ACYP2: variants seen among roughly 807,000 people sequenced by gnomAD.
ACYP2 encodes the protein acylphosphatase 2, also known as acylphosphatase-2.
In ACYP2, 12 loss-of-function variants were observed where a neutral mutation model predicts 11.2. That is an observed-to-expected ratio of 1.08 (90% confidence interval 0.69 to 1.74). The LOEUF (loss-of-function observed/expected upper bound fraction) is 1.74, where lower values mean the gene tolerates loss of function less well. Ranked by LOEUF, ACYP2 falls within the 40% of genes most tolerant of loss-of-function variation. The pLI is 0.00. For missense variants in ACYP2, 134 were observed against 101.9 expected (o/e 1.31, Z -1.35); for synonymous variants, 43 against 32.2 (o/e 1.33, Z -1.13).
chr2:54,011,138 A>G (rs755457203), intron 2 of ACYP2, among the ~76,000 whole-genome samples: 2 of 152,174 alleles, frequency 1.3e-5, no homozygotes, highest in African/African-American at 2.4e-5. Flanking sequence ...GGCTTGTCTC[A>G]TTTTAGCATT....
rs183498879 is a variant in ACYP2, at chr2:54,234,904, T to A, written c.405-69784T>A. 3.2e-3 allele frequency among the ~76,000 whole-genome samples: 483 copies of A among 152,336 alleles called. 4 individuals are homozygous for A. Among genetic ancestry groups the A allele is most frequent in the African/African-American group, 0.011 (452 of 41,584 alleles). On this transcript the variant is annotated intron_variant, in intron 6 of 6. Transcript: ENST00000607452. Reference sequence around the variant, plus strand: ...CTTGTTTCAATTTTAGCAGAATTCATGTTCCTCTGATGGGGCTCTTTTCAA... The same window carrying A: ...CTTGTTTCAATTTTAGCAGAATTCAAGTTCCTCTGATGGGGCTCTTTTCAA...
intron 6 of ACYP2, among the ~76,000 whole-genome samples, chr2:54,247,705 T>C (rs755225969): frequency 3.9e-5 from 6 of 152,238 alleles, no homozygotes; most frequent in Non-Finnish European, 7.3e-5. Context: ...AAAACTTATA[T>C]GCAAATGGAA....
At chr2:54,018,122 G>A (rs776270520) in intron 2 of ACYP2, among the ~76,000 whole-genome samples, 46 of 152,130 alleles carry the variant, frequency 3.0e-4, no homozygotes, top group Non-Finnish European at 2.6e-4. Flanking sequence ...CCCAGAGCAC[G>A]TTTTCTTCTG....
intron 6 of ACYP2, among the ~76,000 whole-genome samples, chr2:54,146,518 G>A (rs1053174626): frequency 6.0e-5 from 9 of 150,656 alleles, no homozygotes; most frequent in South Asian, 2.1e-4. Context: ...CAAGTGATCC[G>A]CCTGCCATGG....
chr2:54,208,705 CT>C (rs58189502), intron 6 of ACYP2, among the ~76,000 whole-genome samples: 5 of 94,594 alleles, frequency 5.3e-5, no homozygotes, highest in Admixed American at 9.1e-5. Context: ...AAAAGGGAGA[CT>C]TTTTTTTTTC....
At chr2:54,177,656 C>T (rs11903462) in intron 6 of ACYP2, among the ~76,000 whole-genome samples, 2,294 of 151,068 alleles carry the variant, frequency 0.015, 66 homozygotes, top group African/African-American at 0.053. Context: ...CGGCTCACTG[C>T]AACCTGTGCC....
chr2:54,001,857 G>A (rs1672819576), intron 2 of ACYP2, among the ~76,000 whole-genome samples: 1 of 152,124 alleles, frequency 6.6e-6, no homozygotes, highest in Non-Finnish European at 1.5e-5. Context: ...TAATAGTTTA[G>A]AGCTGTTTTA....
chr2:54,259,844 C>T lies in ACYP2; in HGVS notation c.405-44844C>T, dbSNP rs117649086. Among the ~76,000 whole-genome samples the T allele has an allele frequency of 3.3e-3, 506 of 152,066 alleles. 15 individuals are homozygous for T. The East Asian group carries it at 0.066, about 20-fold the overall frequency. On this transcript the variant is annotated intron_variant, in intron 6 of 6. Transcript: ENST00000607452. Reference sequence around the variant, plus strand: ...AATAAGTTTAAGAGAAAACAGGAAGCGAAAAAGTGAAAACAGCGAGTATAT... The same window carrying T: ...AATAAGTTTAAGAGAAAACAGGAAGTGAAAAAGTGAAAACAGCGAGTATAT...
intron 4 of ACYP2, among the ~76,000 whole-genome samples, chr2:54,070,323 G>A (rs1676970683): frequency 6.6e-6 from 1 of 151,648 alleles, no homozygotes; most frequent in Non-Finnish European, 1.5e-5. Flanking sequence ...AATCTGCTCT[G>A]CAGGTGTCCA....
At chr2:54,248,027 T>C (rs1433491960) in intron 6 of ACYP2, among the ~76,000 whole-genome samples, 2 of 152,238 alleles carry the variant, frequency 1.3e-5, no homozygotes, top group Non-Finnish European at 2.9e-5. Flanking sequence ...CATAGCCTAT[T>C]GTTAATGGCT....
intron 6 of ACYP2, among the ~76,000 whole-genome samples, chr2:54,202,330 C>T (rs1684873080): frequency 6.6e-6 from 1 of 151,306 alleles, no homozygotes; most frequent in Non-Finnish European, 1.5e-5. Context: ...GCTGGTCAAA[C>T]TCCTGATCTC....
chr2:54,256,239 C>A (rs567851962), intron 6 of ACYP2: 72 of 1,451,796 alleles, frequency 5.0e-5, no homozygotes, highest in Non-Finnish European at 6.2e-5. Flanking sequence ...CGAGTAAACA[C>A]CTCGCCCATT....
intron 6 of ACYP2, among the ~76,000 whole-genome samples, chr2:54,208,781 A>G (rs1271827520): frequency 6.6e-6 from 1 of 152,070 alleles, no homozygotes; most frequent in Non-Finnish European, 1.5e-5. Context: ...TGCATACAGT[A>G]TTACATAATA....
Position 54,003,073 on chromosome 2 carries a change from C to G in ACYP2, c.62+29263C>G, listed in dbSNP as rs571058550. ...AGTGAATACTTGTGCCTCAGCCTCC[C>G]AAGTAGCTGGGATTACAGGCATGCG... On this transcript the variant is annotated intron_variant, in intron 2 of 6. Coordinates refer to ENST00000607452, the MANE Select transcript of ACYP2 (RefSeq NM_001320586.2). Among the ~76,000 whole-genome samples, 189 of 151,770 alleles carry G rather than the reference C, an allele frequency of 1.2e-3. 2 individuals are homozygous for G. The highest frequency in any genetic ancestry group is 4.6e-3 in the African/African-American group (189 of 41,376).
chr2:54,086,795 A>C (rs1382802303), intron 4 of ACYP2, among the ~76,000 whole-genome samples: 1 of 152,240 alleles, frequency 6.6e-6, no homozygotes, highest in African/African-American at 2.4e-5. Flanking sequence ...ATTTAAACTG[A>C]AGGATTTTTG....
chr2:54,165,462 GTCTC>G (rs1682909245), intron 6 of ACYP2, among the ~76,000 whole-genome samples: 1 of 149,824 alleles, frequency 6.7e-6, no homozygotes, highest in African/African-American at 2.5e-5. Flanking sequence ...CTGTCTGTCT[GTCTC>G]TCTCTTTCTC....
chr2:54,129,245 A>AT (rs142651745), intron 4 of ACYP2, among the ~76,000 whole-genome samples: 3,147 of 152,170 alleles, frequency 0.021, 114 homozygotes, highest in African/African-American at 0.071. Context: ...CAGGATTGTG[A>AT]TTTTCAGGAT....
At chr2:54,039,700 G>C (rs531077679) in intron 2 of ACYP2, among the ~76,000 whole-genome samples, 1 of 152,314 alleles carries the variant, frequency 6.6e-6, no homozygotes, top group African/African-American at 2.4e-5. Context: ...TTACAGGCAT[G>C]AGCCAGCACA....
At chr2:54,082,310 G>A (rs1448044853) in intron 4 of ACYP2, among the ~76,000 whole-genome samples, 4 of 151,426 alleles carry the variant, frequency 2.6e-5, no homozygotes, top group African/African-American at 7.3e-5. Flanking sequence ...CAGTGGTGTG[G>A]TCTCGGCTCA....
Sources: gnomAD v4.1 joint callset for allele counts (sites outside exome capture counted in the v4.1 genomes callset) on GRCh38, gnomAD v4.1.1 for gene constraint, MANE v1.5 for transcripts, NCBI Gene and HGNC (gene_info 2026-07-23, HGNC 2026-07-21) for gene names.